The following DBT variants were observed in gnomAD, a reference collection of about 807,000 sequenced individuals.
DBT encodes dihydrolipoamide branched chain transacylase E2, also known as lipoamide acyltransferase component of branched-chain alpha-keto acid dehydrogenase complex, mitochondrial.
A neutral mutation model predicts 51.3 loss-of-function variants in DBT; 40 were observed. The observed-to-expected ratio is 0.78, with a 90% CI of 0.61 to 1.02. The LOEUF (loss-of-function observed/expected upper bound fraction) is 1.02. Among genes scored for constraint, DBT ranks in the 50% least tolerant of loss-of-function variants. The probability of loss-of-function intolerance (pLI) is 0.00; values close to 1 mark genes in which losing one functional copy is unlikely to be tolerated. For synonymous variants in DBT, 181 were observed against 190.4 expected (o/e 0.95, Z 0.41); for missense variants, 510 against 580.2 (o/e 0.88, Z 1.24).
chr1:100,218,424 C>T (rs979585226), intron 5 of DBT, among the ~76,000 whole-genome samples: 5 of 152,322 alleles, frequency 3.3e-5, no homozygotes, highest in Admixed American at 1.3e-4. Flanking sequence ...AATCATACTG[C>T]TCAATTGATA....
At chr1:100,215,927 G>C in intron 6 of DBT, 56 bp downstream of exon 6, 1 of 1,044,488 alleles carries the variant, frequency 9.6e-7, no homozygotes, top group South Asian at 1.3e-5. Context: ...TACTGAGGTA[G>C]CTTCCCCCAA....
chr1:100,226,070 T>A (rs1663187647), intron 4 of DBT, among the ~76,000 whole-genome samples: 1 of 152,150 alleles, frequency 6.6e-6, no homozygotes, highest in Non-Finnish European at 1.5e-5. Context: ...CTTTTTTAGA[T>A]AACTTAAATT....
chr1:100,205,975 T>C (rs141591734), intron 10 of DBT, among the ~76,000 whole-genome samples: 67 of 151,350 alleles, frequency 4.4e-4, no homozygotes, highest in Middle Eastern at 6.8e-3. Flanking sequence ...ATACCTAATG[T>C]AGATGACGGG....
At chr1:100,213,214 G>C in intron 7 of DBT, 1 of 687,198 alleles carries the variant, frequency 1.5e-6, no homozygotes, top group Non-Finnish European at 2.1e-6. Context: ...CCTGCCCCGC[G>C]TCTGCCTCAG....
intron 3 of DBT, among the ~76,000 whole-genome samples, chr1:100,232,271 T>C (rs1229930311): frequency 6.8e-6 from 1 of 146,102 alleles, no homozygotes. Context: ...CTTATCCCCA[T>C]CATAAGTCAA....
At chr1:100,239,851 C>CAAAAAAAAAAAAAAAAA (rs56661922) in intron 2 of DBT, among the ~76,000 whole-genome samples, 4 of 111,204 alleles carry the variant, frequency 3.6e-5, no homozygotes, top group African/African-American at 1.1e-4. Context: ...CAACAGAGCT[C>CAAAAAAAAAAAAAAAAA]AAAAAAAAAA....
At chr1:100,217,824 G>A (rs931107985) in intron 5 of DBT, among the ~76,000 whole-genome samples, 2 of 152,146 alleles carry the variant, frequency 1.3e-5, no homozygotes, top group African/African-American at 2.4e-5. Flanking sequence ...GCACATATGT[G>A]CTCAAATAAT....
At chr1:100,198,244 G>A (rs748862818) in intron 10 of DBT, among the ~76,000 whole-genome samples, 1 of 152,100 alleles carries the variant, frequency 6.6e-6, no homozygotes, top group Non-Finnish European at 1.5e-5. Flanking sequence ...GATACAAAAG[G>A]ACAAATACTG....
At position 100,218,748 on chromosome 1, in the gene DBT, C is replaced by T. The variant is rs754004231; in HGVS notation, c.434-1G>A. 6.2e-7 allele frequency: 1 copy of T among 1,613,382 alleles called. No homozygotes were observed. The highest frequency in any genetic ancestry group is 2.2e-5 in the East Asian group (1 of 44,856). ...GTTTCAACAACATCTTCTTCTGAAT[C>T]TGGTAACAAGGTAAAACTTAACTTC... is the stretch of plus-strand genomic sequence containing the variant. On this transcript the variant is annotated splice_acceptor_variant, in intron 4 of 10. Transcript: ENST00000370132. LOFTEE classifies it high-confidence loss of function.
chr1:100,225,042 A>T (rs865806168), intron 4 of DBT, among the ~76,000 whole-genome samples: 468 of 45,638 alleles, frequency 0.01, 37 homozygotes, highest in African/African-American at 0.028. Context: ...AAAAAAAAAA[A>T]ATATATATAT....
intron 1 of DBT, 56 bp downstream of exon 1, chr1:100,249,714 G>A (rs932022804): frequency 1.1e-5 from 17 of 1,565,856 alleles, no homozygotes; most frequent in Non-Finnish European, 1.4e-5. Context: ...ACCACTCCTG[G>A]ATGACTCCGG....
At chr1:100,211,182 G>A (rs956615598) in intron 7 of DBT, 14 of 766,454 alleles carry the variant, frequency 1.8e-5, no homozygotes, top group Middle Eastern at 2.3e-4. Flanking sequence ...GAAAGAACAC[G>A]TAACGAGGAT....
intron 3 of DBT, among the ~76,000 whole-genome samples, chr1:100,234,596 A>G (rs1663745510): frequency 6.6e-6 from 1 of 152,190 alleles, no homozygotes; most frequent in Non-Finnish European, 1.5e-5. Flanking sequence ...AACACTCCAG[A>G]GGTTGGCAGA....
intron 5 of DBT, among the ~76,000 whole-genome samples, chr1:100,216,671 G>C (rs1361963315): frequency 6.6e-6 from 1 of 152,156 alleles, no homozygotes; most frequent in Non-Finnish European, 1.5e-5. Context: ...TAAGAAGAGG[G>C]AGAGCTGAGA....
chr1:100,206,142 A>T, intron 10 of DBT, 88 bp downstream of exon 10: 1 of 850,266 alleles, frequency 1.2e-6, no homozygotes, highest in Non-Finnish European at 2.0e-6. Flanking sequence ...CTACAAAAGG[A>T]GGGGAAACCT....
intron 4 of DBT, among the ~76,000 whole-genome samples, chr1:100,220,267 A>G (rs956134219): frequency 1.1e-4 from 6 of 55,206 alleles, no homozygotes; most frequent in Non-Finnish European, 1.1e-4. Context: ...TATTTCTGCA[A>G]GCAAAAAAAA....
chr1:100,210,852 AGGAG>A, intron 7 of DBT, 81 bp from the exon 8 acceptor site: 1 of 1,588,140 alleles, frequency 6.3e-7, no homozygotes, highest in South Asian at 1.1e-5. Flanking sequence ...GAGGTATAAA[AGGAG>A]GGAGAGAGAG....
intron 7 of DBT, chr1:100,213,488 C>T: frequency 1.3e-6 from 2 of 1,544,516 alleles, no homozygotes; most frequent in South Asian, 1.1e-5. Flanking sequence ...GACCGTCATC[C>T]GCTATCCTAC....
chr1:100,197,339 C>T (rs767811457), intron 10 of DBT, among the ~76,000 whole-genome samples: 3 of 152,080 alleles, frequency 2.0e-5, no homozygotes, highest in Non-Finnish European at 4.4e-5. Flanking sequence ...GATGAGAAGC[C>T]CTTCAAAGTG....
Sources: allele counts gnomAD v4.1 joint callset (sites outside exome capture counted in the v4.1 genomes callset), GRCh38; gene constraint gnomAD v4.1.1; transcripts MANE v1.5; gene names NCBI Gene and HGNC (gene_info 2026-07-23, HGNC 2026-07-21).